Variants in THADA observed in about 807,000 individuals in gnomAD.
The protein encoded by THADA is tRNA (32-2'-O)-methyltransferase regulator THADA.
Under a neutral mutation model 219.8 loss-of-function variants are expected in THADA, and 213 were observed. The observed-to-expected ratio is 0.97, with a 90% CI of 0.87 to 1.09. THADA has a LOEUF of 1.09. Ranked by LOEUF, THADA falls within the 50% of genes least tolerant of loss-of-function variation. The pLI is 0.00. For missense variants in THADA, 2,956 were observed against 2,311.3 expected (o/e 1.28, Z -5.72); for synonymous variants, 1,018 against 828.9 (o/e 1.23, Z -3.92).
At chr2:43,439,852 T>C (rs7575024) in intron 26 of THADA, among the ~76,000 whole-genome samples, 16,887 of 152,202 alleles carry the variant, frequency 0.11, 1,079 homozygotes, top group African/African-American at 0.16. Context: ...GTTTATTGCA[T>C]TGTTATTCTT....
rs377643139 is a variant in THADA, at chr2:43,398,047, C to T, written c.4151G>A (p.Arg1384Gln). 21 of 1,613,794 alleles carry T rather than the reference C, an allele frequency of 1.3e-5. No individual in the cohort carries two copies. Among genetic ancestry groups the T allele is most frequent in the Non-Finnish European group, 1.5e-5 (18 of 1,179,866 alleles). ...VMIDHIPNTI[R>Q]TLLSTLPSCT... ...GCTGGGGAGTGTGGACAACAGAGTT[C>T]GAATGGTATTAGGAATGTGATCTAT... The change falls in exon 29 of 38, where the codon CGA (arginine) becomes CAA (glutamine). Residue 1384 changes from arginine (R) to glutamine (Q), a missense_variant. By Grantham distance (43) the Arg-to-Gln change is conservative. Coordinates refer to ENST00000405975, the MANE Select transcript of THADA (RefSeq NM_022065.5).
rs754671413 is a variant in THADA, at chr2:43,279,814, C to G, written c.5247G>C (p.Thr1749=). The G allele has an allele frequency of 6.4e-7, 1 of 1,556,824 alleles. No individual in the cohort carries two copies. Among genetic ancestry groups the G allele is most frequent in the Non-Finnish European group, 8.7e-7 (1 of 1,149,960 alleles). The change falls in exon 36 of 38, where the codon ACG becomes ACC. Residue 1749 remains threonine, a synonymous_variant. Coordinates refer to ENST00000405975, the MANE Select transcript of THADA (RefSeq NM_022065.5). ...GTGACATGGCAGTTGTCACGGTTTC[C>G]GTGGCTGCATCTCTAACAGCTTGCT... ...SEEQAVRDAA[T]ETVTTAMSQE...
At chr2:43,467,440 C>T (rs899425078) in intron 26 of THADA, among the ~76,000 whole-genome samples, 2 of 152,074 alleles carry the variant, frequency 1.3e-5, no homozygotes, top group Non-Finnish European at 2.9e-5. Context: ...TATGTAAAAG[C>T]CCTTTGTAGC....
chr2:43,583,835 G>C (rs1055895841), intron 7 of THADA, among the ~76,000 whole-genome samples: 4 of 152,028 alleles, frequency 2.6e-5, no homozygotes, highest in African/African-American at 7.2e-5. Context: ...TTGCGCTTAA[G>C]AGTTTGAAAC....
intron 36 of THADA, among the ~76,000 whole-genome samples, chr2:43,261,386 G>A (rs1670927327): frequency 6.6e-6 from 1 of 151,332 alleles, no homozygotes; most frequent in African/African-American, 2.4e-5. Context: ...ATCATGCCCA[G>A]CTAATTTTTG....
Position 43,577,161 on chromosome 2 carries a change from C to T in THADA, c.898G>A (p.Gly300Ser), listed in dbSNP as rs1227718499. 1 of 1,609,900 alleles carries T rather than the reference C, an allele frequency of 6.2e-7. No individual in the cohort carries two copies. Among genetic ancestry groups the T allele is most frequent in the African/African-American group, 1.3e-5 (1 of 74,858 alleles). ...AAGACAGCTGACTGAGAGATGTCAC[C>T]ACAACAGAGGCTCCTGCAGCTGCTC... ...FMSSCRSLCC[G>S]DISQSAVLFL... is the part of the protein sequence containing the mutation. Residue 300 changes from glycine to serine, a missense_variant, in exon 10 of 38, where the codon GGT becomes AGT. Transcript: ENST00000405975.
chr2:43,298,461 G>A (rs371728267), intron 31 of THADA, among the ~76,000 whole-genome samples: 12 of 133,926 alleles, frequency 9.0e-5, no homozygotes, highest in Admixed American at 4.6e-4. Context: ...CAAACACTGC[G>A]GAAGGCCGCA....
chr2:43,314,658 G>A (rs895287735), intron 31 of THADA, among the ~76,000 whole-genome samples: 2 of 152,204 alleles, frequency 1.3e-5, no homozygotes, highest in African/African-American at 4.8e-5. Flanking sequence ...TCGCTGCCCA[G>A]CCTGAGACCC....
chr2:43,592,881 G>T (rs1408979302), intron 1 of THADA: 1 of 152,352 alleles, frequency 6.6e-6, no homozygotes, highest in Non-Finnish European at 1.5e-5. Flanking sequence ...GTACTACCGT[G>T]TCCTGATTTC....
chr2:43,504,965 T>C (rs1689478083), intron 24 of THADA, among the ~76,000 whole-genome samples: 1 of 152,202 alleles, frequency 6.6e-6, no homozygotes, highest in Admixed American at 6.5e-5. Context: ...CAAGCAGTAC[T>C]TGATAGTTAT....
At chr2:43,448,047 G>T (rs1009400591) in intron 26 of THADA, among the ~76,000 whole-genome samples, 4 of 152,114 alleles carry the variant, frequency 2.6e-5, no homozygotes, top group Non-Finnish European at 5.9e-5. Flanking sequence ...AATCTTTAAA[G>T]CAATGGATTA....
chr2:43,554,929 A>G (rs1381249763), intron 17 of THADA, among the ~76,000 whole-genome samples: 1 of 152,142 alleles, frequency 6.6e-6, no homozygotes, highest in Non-Finnish European at 1.5e-5. Context: ...GAACACCCCA[A>G]ATGTGAAAAT....
chr2:43,474,725 T>C (rs1333653499), intron 26 of THADA, among the ~76,000 whole-genome samples: 1 of 152,186 alleles, frequency 6.6e-6, no homozygotes, highest in Non-Finnish European at 1.5e-5. Context: ...CTAAATCAAC[T>C]TCAGGTATTC....
intron 31 of THADA, among the ~76,000 whole-genome samples, chr2:43,309,849 A>C (rs1465108867): frequency 6.6e-6 from 1 of 152,216 alleles, no homozygotes; most frequent in Non-Finnish European, 1.5e-5. Context: ...ATTAGAGCTA[A>C]TAAGTTTGTT....
intron 28 of THADA, among the ~76,000 whole-genome samples, chr2:43,413,877 T>G (rs957741636): frequency 5.3e-5 from 8 of 152,210 alleles, no homozygotes; most frequent in Non-Finnish European, 1.2e-4. Context: ...CCACCCATAT[T>G]GTACAGTTGG....
intron 31 of THADA, among the ~76,000 whole-genome samples, chr2:43,315,899 G>A (rs977415882): frequency 6.6e-6 from 1 of 152,150 alleles, no homozygotes; most frequent in Non-Finnish European, 1.5e-5. Context: ...GTCTTAGATC[G>A]TCCAATGAAC....
chr2:43,319,804 G>A lies in THADA; in HGVS notation c.4438+642C>T, dbSNP rs186145974. On this transcript the variant is annotated intron_variant, in intron 31 of 37. Coordinates refer to ENST00000405975, the MANE Select transcript of THADA (RefSeq NM_022065.5). ...TGCTGATGAAAATCAGTTTCAGTCCGTGGCCTGGAATTCATGTACAGCACT... is the reference window on the plus strand; with the variant it reads ...TGCTGATGAAAATCAGTTTCAGTCCATGGCCTGGAATTCATGTACAGCACT... Among the ~76,000 whole-genome samples the A allele has an allele frequency of 3.3e-3, 498 of 152,206 alleles. 2 individuals are homozygous for A. The highest frequency in any genetic ancestry group is 5.4e-3 in the Non-Finnish European group (370 of 68,012).
chr2:43,405,871 A>G (rs1354045749), intron 28 of THADA, among the ~76,000 whole-genome samples: 2 of 152,222 alleles, frequency 1.3e-5, no homozygotes, highest in East Asian at 3.9e-4. Context: ...AAACCCTTAA[A>G]AAAAATTATG....
intron 29 of THADA, among the ~76,000 whole-genome samples, chr2:43,380,068 G>A (rs537384840): frequency 2.0e-5 from 3 of 152,326 alleles, no homozygotes; most frequent in Admixed American, 6.5e-5. Context: ...TTTTTAGGGT[G>A]TGGAACTAAT....
Sources: allele counts gnomAD v4.1 joint callset (sites outside exome capture counted in the v4.1 genomes callset), GRCh38; gene constraint gnomAD v4.1.1; transcripts MANE v1.5; gene names NCBI Gene and HGNC (gene_info 2026-07-23, HGNC 2026-07-21).